PTPRG: variants seen among roughly 807,000 people sequenced by gnomAD.
PTPRG encodes the protein protein tyrosine phosphatase receptor type G, also known as receptor-type tyrosine-protein phosphatase gamma.
In PTPRG, 102 loss-of-function variants were observed where a neutral mutation model predicts 165.3. That is an observed-to-expected ratio of 0.62 (90% CI 0.53 to 0.73). PTPRG has a LOEUF of 0.73. Among genes scored for constraint, PTPRG ranks in the 30% least tolerant of loss-of-function variants. PTPRG has a pLI of 0.00. For synonymous variants in PTPRG, 675 were observed against 669.5 expected (o/e 1.01, Z -0.13); for missense variants, 1,866 against 1,861.4 (o/e 1.00, Z -0.05).
chr3:61,726,154 A>G (rs2032246313), intron 1 of PTPRG, among the ~76,000 whole-genome samples: 1 of 152,230 alleles, frequency 6.6e-6, no homozygotes, highest in African/African-American at 2.4e-5. Flanking sequence ...ACCTTGTGAC[A>G]TAAATCTGCA....
intron 14 of PTPRG, among the ~76,000 whole-genome samples, chr3:62,239,349 C>CTTTTTT (rs1168589653): frequency 2.1e-5 from 3 of 144,072 alleles, no homozygotes; most frequent in African/African-American, 7.7e-5. Flanking sequence ...TTCTTTCTTT[C>CTTTTTT]TTTTTTCTTT....
chr3:61,698,775 TAAATA>T (rs1180225487), intron 1 of PTPRG, among the ~76,000 whole-genome samples: 1 of 152,168 alleles, frequency 6.6e-6, no homozygotes, highest in East Asian at 1.9e-4. Flanking sequence ...CATGTTAACA[TAAATA>T]ACACATTTTT....
At chr3:61,893,223 G>T (rs1031767939) in intron 2 of PTPRG, among the ~76,000 whole-genome samples, 2 of 152,236 alleles carry the variant, frequency 1.3e-5, no homozygotes, top group Admixed American at 6.5e-5. Flanking sequence ...GGGAAAGTCA[G>T]TGTGTCTGCA....
chr3:62,192,126 A>G (rs956322801), intron 9 of PTPRG, among the ~76,000 whole-genome samples: 2 of 152,184 alleles, frequency 1.3e-5, no homozygotes, highest in Non-Finnish European at 2.9e-5. Context: ...CACTGTCCAC[A>G]GTCGCTGCCA....
intron 2 of PTPRG, among the ~76,000 whole-genome samples, chr3:61,772,272 C>T (rs1385236810): frequency 6.6e-6 from 1 of 151,738 alleles, no homozygotes; most frequent in African/African-American, 2.4e-5. Flanking sequence ...GTGAAGCACT[C>T]GTTTAGTGTT....
rs1208347295 is a variant in PTPRG, at chr3:61,744,590, G to C, written c.86-4288G>C. On this transcript the variant is annotated intron_variant, in intron 1 of 29. Transcript: ENST00000474889. ...TCATGGGACCAGCATCATATATGCA[G>C]TTTTTCATTGACTGAAATTTTATCA... 2.6e-5 allele frequency among the ~76,000 whole-genome samples: 4 copies of C among 152,148 alleles called. No individual in the cohort carries two copies. The East Asian group carries it at 7.7e-4, about 29-fold the overall frequency.
At chr3:62,112,693 AG>A in intron 5 of PTPRG, among the ~76,000 whole-genome samples, 1 of 152,284 alleles carries the variant, frequency 6.6e-6, no homozygotes, top group African/African-American at 2.4e-5. Flanking sequence ...ATTTTTGCTA[AG>A]TTTTCAGAGG....
intron 5 of PTPRG, among the ~76,000 whole-genome samples, chr3:62,099,934 G>A (rs541259800): frequency 5.4e-4 from 82 of 151,796 alleles, no homozygotes; most frequent in African/African-American, 1.9e-3. Flanking sequence ...GAGTAGCTGG[G>A]ACTACAGGCG....
intron 13 of PTPRG, among the ~76,000 whole-genome samples, chr3:62,223,418 T>G (rs1159794781): frequency 6.6e-6 from 1 of 152,178 alleles, no homozygotes; most frequent in African/African-American, 2.4e-5. Context: ...ACTTATTTTG[T>G]GTATAAAGCA....
chr3:62,066,871 C>G (rs1270518836), intron 4 of PTPRG, among the ~76,000 whole-genome samples: 4 of 152,002 alleles, frequency 2.6e-5, no homozygotes, highest in African/African-American at 9.7e-5. Context: ...AACCCCCTCT[C>G]TGCTAAAATT....
intron 1 of PTPRG, among the ~76,000 whole-genome samples, chr3:61,604,798 T>C (rs1405561875): frequency 6.6e-6 from 1 of 152,078 alleles, no homozygotes; most frequent in Non-Finnish European, 1.5e-5. Flanking sequence ...GGGTTCATTG[T>C]GGCAAAGTAG....
At chr3:61,781,743 T>C (rs1575659106) in intron 2 of PTPRG, among the ~76,000 whole-genome samples, 2 of 152,292 alleles carry the variant, frequency 1.3e-5, no homozygotes, top group South Asian at 4.2e-4. Context: ...TTCTCTTTTT[T>C]TTGAGATAGG....
At chr3:62,067,368 T>G (rs556894021) in intron 4 of PTPRG, among the ~76,000 whole-genome samples, 1 of 152,088 alleles carries the variant, frequency 6.6e-6, no homozygotes, top group South Asian at 2.1e-4. Context: ...ACCCCTGGCC[T>G]CTACCTGCTA....
intron 1 of PTPRG, among the ~76,000 whole-genome samples, chr3:61,638,896 T>C (rs1701991579): frequency 6.6e-6 from 1 of 152,202 alleles, no homozygotes; most frequent in Non-Finnish European, 1.5e-5. Context: ...TTTCTTTTGC[T>C]GTGCAGAGCC....
At chr3:61,634,293 AG>A (rs2106936483) in intron 1 of PTPRG, among the ~76,000 whole-genome samples, 1 of 152,160 alleles carries the variant, frequency 6.6e-6, no homozygotes, top group African/African-American at 2.4e-5. Context: ...GCTGGAGTGC[AG>A]TGGTGCGATC....
intron 5 of PTPRG, among the ~76,000 whole-genome samples, chr3:62,120,464 T>TAAAATAAAAGATTG (rs1459640136): frequency 4.9e-5 from 5 of 101,822 alleles, no homozygotes; most frequent in East Asian, 3.8e-4. Context: ...AAATAAAAGA[T>TAAAATAAAAGATTG]TGAAGGCCAG....
chr3:61,795,238 TTG>T (rs1204720005), intron 2 of PTPRG, among the ~76,000 whole-genome samples: 2 of 152,206 alleles, frequency 1.3e-5, no homozygotes, highest in African/African-American at 2.4e-5. Flanking sequence ...GCTCATGTGC[TTG>T]ACCACTGTAT....
Position 62,267,438 on chromosome 3 carries a change from TTTA to T in PTPRG, c.2686_2688del (p.Leu896del), listed in dbSNP as rs1461000109. The T allele has an allele frequency of 6.2e-7, 1 of 1,611,208 alleles. No individual in the cohort carries two copies. The highest frequency in any genetic ancestry group is 8.5e-7 in the Non-Finnish European group (1 of 1,177,810). On this transcript the variant is annotated inframe_deletion, in exon 18 of 30. Coordinates refer to ENST00000474889, the MANE Select transcript of PTPRG (RefSeq NM_002841.4). Reference sequence around the variant, plus strand: ...ATCACAGTAGGGTGAAGTTAAGACCTTTACCAGGAAAAGACTCTAAGCACAGCG... The same window carrying T: ...ATCACAGTAGGGTGAAGTTAAGACCTCCAGGAAAAGACTCTAAGCACAGCG...
intron 2 of PTPRG, among the ~76,000 whole-genome samples, chr3:61,762,722 A>T (rs770410150): frequency 1.3e-5 from 2 of 152,024 alleles, no homozygotes; most frequent in African/African-American, 2.4e-5. Flanking sequence ...TTGTTTTTGG[A>T]TCAGTTTTAG....
Sources: gnomAD v4.1 joint callset for allele counts (sites outside exome capture counted in the v4.1 genomes callset) on GRCh38, gnomAD v4.1.1 for gene constraint, MANE v1.5 for transcripts, NCBI Gene and HGNC (gene_info 2026-07-23, HGNC 2026-07-21) for gene names.